The following HACD3 variants were observed in gnomAD, a reference collection of about 807,000 sequenced individuals.
HACD3 encodes very-long-chain (3R)-3-hydroxyacyl-CoA dehydratase 3.
Under a neutral mutation model 55.2 loss-of-function variants are expected in HACD3, and 30 were observed. The observed-to-expected ratio is 0.54, with a 90% CI of 0.41 to 0.74. The LOEUF is 0.74. Ranked by LOEUF, HACD3 falls within the 30% of genes least tolerant of loss-of-function variation. The pLI is 0.00. For synonymous variants in HACD3, 141 were observed against 151.7 expected (o/e 0.93, Z 0.52); for missense variants, 363 against 440.1 (o/e 0.82, Z 1.57).
intron 1 of HACD3, among the ~76,000 whole-genome samples, chr15:65,538,392 G>A (rs1463610512): frequency 6.6e-6 from 1 of 152,192 alleles, no homozygotes; most frequent in Non-Finnish European, 1.5e-5. Flanking sequence ...TTCAGTGGAG[G>A]TAGTAACTGC....
At chr15:65,548,737 T>C (rs536253790) in intron 1 of HACD3, among the ~76,000 whole-genome samples, 184 of 152,066 alleles carry the variant, frequency 1.2e-3, no homozygotes, top group Non-Finnish European at 2.3e-3. Flanking sequence ...CACACTTGGC[T>C]AATTTTTTTA....
intron 1 of HACD3, among the ~76,000 whole-genome samples, chr15:65,533,776 G>A (rs1701301722): frequency 6.6e-6 from 1 of 151,678 alleles, no homozygotes; most frequent in South Asian, 2.1e-4. Context: ...AAGCAGCCGG[G>A]TGTGGTGGCT....
chr15:65,544,069 C>T (rs184249072), intron 1 of HACD3, among the ~76,000 whole-genome samples: 7 of 151,938 alleles, frequency 4.6e-5, no homozygotes, highest in African/African-American at 1.4e-4. Flanking sequence ...CCCAGCTACT[C>T]GGGAGGCCGA....
chr15:65,532,158 G>T (rs952795052), intron 1 of HACD3, among the ~76,000 whole-genome samples: 2 of 152,148 alleles, frequency 1.3e-5, no homozygotes, highest in Non-Finnish European at 2.9e-5. Context: ...GTCGTTTAAT[G>T]TGTTCATCCA....
chr15:65,564,509 G>T, intron 7 of HACD3, 167 bp downstream of exon 7: 1 of 872,566 alleles, frequency 1.1e-6, no homozygotes, highest in Non-Finnish European at 1.7e-6. Context: ...TGGCTGGGAA[G>T]GTCTCACGAT....
chr15:65,548,367 G>A (rs2072097095), intron 1 of HACD3, among the ~76,000 whole-genome samples: 1 of 151,918 alleles, frequency 6.6e-6, no homozygotes, highest in Non-Finnish European at 1.5e-5. Context: ...AAAGATATTA[G>A]CCAGGCATGG....
At position 65,572,277 on chromosome 15, in the gene HACD3, G is replaced by A; in HGVS notation, c.923G>A (p.Gly308Glu). Residue 308 changes from glycine to glutamate, a missense_variant, in exon 10 of 11, where the codon GGA becomes GAA. Physicochemically the swap from Gly to Glu is moderately conservative, Grantham distance 98 (BLOSUM62 -2). Transcript: ENST00000261875. ...TCCATTCCAATATTCAATGAGACCGGACGATTCAGTTTCACATTGCCATAT... is the reference window on the plus strand; with the variant it reads ...TCCATTCCAATATTCAATGAGACCGAACGATTCAGTTTCACATTGCCATAT... ...IQSIPIFNET[G>E]RFSFTLPYPV... The A allele has an allele frequency of 5.6e-6, 9 of 1,613,396 alleles. No homozygotes were observed. The highest frequency in any genetic ancestry group is 7.6e-6 in the Non-Finnish European group (9 of 1,179,794).
chr15:65,541,789 A>G (rs1018002302), intron 1 of HACD3, among the ~76,000 whole-genome samples: 1 of 152,236 alleles, frequency 6.6e-6, no homozygotes, highest in Admixed American at 6.5e-5. Context: ...AAACTTTTAC[A>G]TACACCCAAT....
At chr15:65,541,402 A>C (rs2072017674) in intron 1 of HACD3, among the ~76,000 whole-genome samples, 1 of 152,202 alleles carries the variant, frequency 6.6e-6, no homozygotes, top group African/African-American at 2.4e-5. Context: ...GCCAAAGATC[A>C]CCAAAACACA....
chr15:65,549,708 G>C (rs2141212002), intron 1 of HACD3, among the ~76,000 whole-genome samples: 1 of 152,166 alleles, frequency 6.6e-6, no homozygotes, highest in African/African-American at 2.4e-5. Context: ...ATACACTTAG[G>C]GTTAGGATGA....
At chr15:65,530,951 G>T in intron 1 of HACD3, 1 of 497,958 alleles carries the variant, frequency 2.0e-6, no homozygotes, top group South Asian at 2.6e-5. Flanking sequence ...CAGAGAGCTC[G>T]GCCTGGGCCT....
intron 1 of HACD3, among the ~76,000 whole-genome samples, chr15:65,537,919 G>C: frequency 7.9e-6 from 1 of 127,178 alleles, no homozygotes; most frequent in African/African-American, 3.0e-5. Context: ...GCCCACTGTT[G>C]AGGCCAACTT....
intron 1 of HACD3, among the ~76,000 whole-genome samples, chr15:65,532,928 G>C (rs567300046): frequency 1.3e-5 from 2 of 152,292 alleles, no homozygotes; most frequent in East Asian, 3.9e-4. Context: ...AAAAAGTTTT[G>C]TGTAGGAGTA....
chr15:65,572,173 G>A, intron 9 of HACD3, 62 bp from the exon 10 acceptor site: 1 of 1,588,308 alleles, frequency 6.3e-7, no homozygotes, highest in South Asian at 1.2e-5. Context: ...AGGACTGGAA[G>A]TTCCTGTCAT....
chr15:65,551,802 T>C lies in HACD3; in HGVS notation c.130+84T>C, dbSNP rs890120375. ...TTTCCCTTTTTTAAAAAAATGTATT[T>C]GTCTTACTTGTTTTTTGCTGATGTT... On this transcript the variant is annotated intron_variant, in intron 2 of 10. Transcript: ENST00000261875. 3 of 1,511,278 alleles carry C rather than the reference T, an allele frequency of 2.0e-6. No homozygotes were observed. In the African/African-American group the frequency reaches 4.1e-5, roughly 21 times the overall value. The allele number at this position is 1,511,278 out of a possible 1,614,324, so 93.6% of individuals were successfully genotyped here.
chr15:65,570,915 G>C (rs2072341615), intron 8 of HACD3, among the ~76,000 whole-genome samples: 1 of 152,102 alleles, frequency 6.6e-6, no homozygotes, highest in Admixed American at 6.5e-5. Context: ...GGCACCCAGT[G>C]TACCCTCTAA....
chr15:65,537,653 C>T (rs957565942), intron 1 of HACD3, among the ~76,000 whole-genome samples: 2 of 150,970 alleles, frequency 1.3e-5, no homozygotes, highest in Non-Finnish European at 2.9e-5. Context: ...ATTAGCTGGG[C>T]ATGGTGGCGG....
At chr15:65,571,711 G>T in intron 9 of HACD3, 57 bp downstream of exon 9, 1 of 1,330,434 alleles carries the variant, frequency 7.5e-7, no homozygotes, top group East Asian at 2.3e-5. Context: ...CCCAGAGGCT[G>T]AGAGACCAGT....
chr15:65,556,642 T>G, intron 3 of HACD3, 97 bp from the exon 4 acceptor site: 1 of 1,259,790 alleles, frequency 7.9e-7, no homozygotes, highest in Non-Finnish European at 1.1e-6. Flanking sequence ...AGAAGGAGAA[T>G]AAATATATCC....
Sources: gnomAD v4.1 joint callset for allele counts (sites outside exome capture counted in the v4.1 genomes callset) on GRCh38, gnomAD v4.1.1 for gene constraint, MANE v1.5 for transcripts, NCBI Gene and HGNC (gene_info 2026-07-23, HGNC 2026-07-21) for gene names.